Variants in PNN observed in about 807,000 individuals in gnomAD.
PNN encodes the protein pinin, desmosome associated protein.
A neutral mutation model predicts 76.6 loss-of-function variants in PNN; 38 were observed. The observed-to-expected ratio is 0.50, with a 90% CI of 0.38 to 0.65. PNN has a LOEUF of 0.65. PNN is among the 30% of genes least tolerant of loss of function. PNN has a pLI of 0.00. For synonymous variants in PNN, 366 were observed against 283.7 expected (o/e 1.29, Z -2.91); for missense variants, 873 against 874.1 (o/e 1.00, Z 0.02).
At position 39,176,029 on chromosome 14, in the gene PNN, CTGTG is replaced by C. The variant is rs1233934952; in HGVS notation, c.114-43_114-40del. On this transcript the variant is annotated intron_variant, in intron 1 of 8. Transcript: ENST00000216832. ...CATCTCTGAAAGTATTTGGGTGCGACTGTGTGTGTCTACATATGATTTTGCACTG... is the reference window on the plus strand; with the variant it reads ...CATCTCTGAAAGTATTTGGGTGCGACTGTGTCTACATATGATTTTGCACTG... 4 of 958,346 alleles carry C rather than the reference CTGTG, an allele frequency of 4.2e-6. No homozygotes were observed. The Admixed American group carries it at 7.5e-5, about 18-fold the overall frequency. The allele number at this position is 958,346 out of a possible 1,614,324, so 59.4% of individuals were successfully genotyped here. A position where few individuals can be genotyped will look rare whatever the true frequency, so the allele number is the denominator to read the frequency against.
Position 39,176,555 on chromosome 14 carries a change from C to A in PNN, c.214C>A (p.Pro72Thr). 6.2e-7 allele frequency: 1 copy of A among 1,607,656 alleles called. No homozygotes were observed. The highest frequency in any genetic ancestry group is 1.1e-5 in the South Asian group (1 of 89,532). The change falls in exon 3 of 9, where the codon CCC (proline) becomes ACC (threonine). Residue 72 changes from proline to threonine, a missense_variant. This residue lies in a region of PNN where 156 missense variants were observed against 161.7 expected (regional missense o/e 0.96). Coordinates refer to ENST00000216832, the MANE Select transcript of PNN (RefSeq NM_002687.4). ...TGGATTCTCAGATAGTGGAGGAGGA[C>A]CCCCAGCCAAACAGAGAGACCTTGA... ...RRGFSDSGGG[P>T]PAKQRDLEGA...
intron 3 of PNN, among the ~76,000 whole-genome samples, chr14:39,176,891 A>G (rs1272433141): frequency 3.3e-5 from 5 of 152,202 alleles, no homozygotes; most frequent in Non-Finnish European, 7.3e-5. Flanking sequence ...GAAAAACTTA[A>G]CCAGTTTGAA....
intron 6 of PNN, 119 bp from the exon 7 acceptor site, chr14:39,178,972 A>G (rs773786156): frequency 3.4e-6 from 3 of 884,898 alleles, no homozygotes; most frequent in Non-Finnish European, 5.1e-6. Context: ...CCTGCCTCTA[A>G]TGTTTCACGT....
At chr14:39,178,366 T>C (rs2053245038) in intron 6 of PNN, among the ~76,000 whole-genome samples, 2 of 152,042 alleles carry the variant, frequency 1.3e-5, no homozygotes, top group Non-Finnish European at 2.9e-5. Context: ...ACCCTGTCTT[T>C]ACTAAAAATA....
chr14:39,176,409 C>T (rs1215238433), intron 2 of PNN, 118 bp from the exon 3 acceptor site: 8 of 751,880 alleles, frequency 1.1e-5, no homozygotes, highest in Admixed American at 9.0e-5. Flanking sequence ...AATGAATGCC[C>T]GTTTAAGGCT....
Position 39,176,100 on chromosome 14 carries a change from G to A in PNN, c.136G>A (p.Ala46Thr), listed in dbSNP as rs1475027198. 1.2e-6 allele frequency: 2 copies of A among 1,609,148 alleles called. No individual in the cohort carries two copies. The highest frequency in any genetic ancestry group is 8.5e-7 in the Non-Finnish European group (1 of 1,175,474). The change falls in exon 2 of 9, where the codon GCC (alanine) becomes ACC (threonine). Residue 46 changes from alanine (A) to threonine (T), a missense_variant. By Grantham distance (58) the Ala-to-Thr change is moderately conservative. Coordinates refer to ENST00000216832, the MANE Select transcript of PNN (RefSeq NM_002687.4). ...DVRPIQARLL[A>T]LSGPGGGRGR... Reference sequence around the variant, plus strand: ...CAGGCCCATCCAAGCCAGATTGCTGGCCCTTTCTGGTCCTGGTGGAGGTAG... The same window carrying A: ...CAGGCCCATCCAAGCCAGATTGCTGACCCTTTCTGGTCCTGGTGGAGGTAG...
intron 2 of PNN, 110 bp from the exon 3 acceptor site, chr14:39,176,417 G>T: frequency 1.2e-6 from 1 of 814,972 alleles, no homozygotes; most frequent in African/African-American, 1.7e-5. Context: ...CCCGTTTAAG[G>T]CTACTTTAGT....
At chr14:39,175,487 A>G in intron 1 of PNN, 95 bp downstream of exon 1, 1 of 774,512 alleles carries the variant, frequency 1.3e-6, no homozygotes, top group Non-Finnish European at 2.2e-6. Context: ...AGCCTTAAGA[A>G]GACTGGAACC....
chr14:39,176,009 CTGAAAG>C, intron 1 of PNN, 63 bp from the exon 2 acceptor site: 2 of 809,564 alleles, frequency 2.5e-6, no homozygotes, highest in Non-Finnish European at 2.1e-6. Flanking sequence ...ATCCACATCT[CTGAAAG>C]TATTTGGGTG....
chr14:39,175,920 G>A (rs2053219483), intron 1 of PNN, 158 bp from the exon 2 acceptor site: 2 of 595,328 alleles, frequency 3.4e-6, no homozygotes, highest in African/African-American at 3.8e-5. Context: ...AAATGAAATA[G>A]TACTTCCTGT....
In PNN at chr14:39,180,737, C is replaced by T. The variant is rs546480407; in HGVS notation, c.1028C>T (p.Ala343Val). The change falls in exon 9 of 9, where the codon GCG becomes GTG. Residue 343 changes from alanine (A) to valine (V), a missense_variant. Ala to Val is a moderately conservative substitution (Grantham distance 64). This residue lies in a region of PNN where 712 missense variants were observed against 693.1 expected (regional missense o/e 1.03). Coordinates refer to ENST00000216832, the MANE Select transcript of PNN (RefSeq NM_002687.4). ...GGAGAGGAAGAGGAAAAGGAAATAG[C>T]GATTGTTCATAGTGATGCAGAGAAA... ...EAGEEEEKEI[A>V]IVHSDAEKEQ... The T allele has an allele frequency of 2.3e-5, 36 of 1,595,900 alleles. No homozygotes were observed. The South Asian group carries it at 3.1e-4, about 14-fold the overall frequency.
In PNN at chr14:39,179,323, G is replaced by C; in HGVS notation, c.655-1G>C. On this transcript the variant is annotated splice_acceptor_variant, in intron 7 of 8. Coordinates refer to ENST00000216832, the MANE Select transcript of PNN (RefSeq NM_002687.4). LOFTEE classifies it high-confidence loss of function. The stretch of plus-strand genomic sequence containing the variant: ...GCACTGACCCTTTACCTTTTCTTTA[G>C]CAAGAAGAATGGAATGAACATAATG... 1 of 1,608,556 alleles carries C rather than the reference G, an allele frequency of 6.2e-7. No individual in the cohort carries two copies. Among genetic ancestry groups the C allele is most frequent in the Non-Finnish European group, 8.5e-7 (1 of 1,178,606 alleles).
intron 8 of PNN, 138 bp downstream of exon 8, chr14:39,179,600 T>A: frequency 1.3e-6 from 1 of 784,804 alleles, no homozygotes; most frequent in Non-Finnish European, 2.0e-6. Flanking sequence ...AATAAGATAA[T>A]AAGATATTCT....
Position 39,175,786 on chromosome 14 carries a change from T to C in PNN, c.114-292T>C. On this transcript the variant is annotated intron_variant, in intron 1 of 8. Coordinates refer to ENST00000216832, the MANE Select transcript of PNN (RefSeq NM_002687.4). ...CGCAACAAGCCGCCTTACCCCAGCTTCCTGTCCACGTGCAGCCTCCTCGGG... is the reference window on the plus strand; with the variant it reads ...CGCAACAAGCCGCCTTACCCCAGCTCCCTGTCCACGTGCAGCCTCCTCGGG... The C allele has an allele frequency of 6.3e-6, 3 of 479,244 alleles. 1 individual carries two copies. Among genetic ancestry groups the C allele is most frequent in the Non-Finnish European group, 1.1e-5 (3 of 270,702 alleles). The allele number at this position is 479,244 out of a possible 1,614,324, so 29.7% of individuals were successfully genotyped here.
intron 1 of PNN, 138 bp from the exon 2 acceptor site, chr14:39,175,940 G>C: frequency 1.6e-6 from 1 of 618,782 alleles, no homozygotes; most frequent in Non-Finnish European, 2.9e-6. Flanking sequence ...TCCTGTTTCA[G>C]ACATTTAGAT....
At chr14:39,177,817 A>G (rs781286725) in intron 5 of PNN, 24 bp from the exon 6 acceptor site, 2 of 1,575,872 alleles carry the variant, frequency 1.3e-6, no homozygotes, top group South Asian at 2.2e-5. Flanking sequence ...TGTTGACAGT[A>G]AATTTTCTTA....
At position 39,177,633 on chromosome 14, in the gene PNN, G is replaced by A; in HGVS notation, c.368G>A (p.Arg123His). The A allele has an allele frequency of 2.5e-6, 4 of 1,613,824 alleles. No individual in the cohort carries two copies. Among genetic ancestry groups the A allele is most frequent in the African/African-American group, 1.3e-5 (1 of 75,016 alleles). Residue 123 changes from arginine (R) to histidine (H), a missense_variant, in exon 5 of 9, where the codon CGC becomes CAC. Arg to His is a conservative substitution (Grantham distance 29). Coordinates refer to ENST00000216832, the MANE Select transcript of PNN (RefSeq NM_002687.4). ...TCAGTTGTAGCTACCTCCAAAGAGCGCACACGTAGAGACCTTATCCAGGAT... is the reference window on the plus strand; with the variant it reads ...TCAGTTGTAGCTACCTCCAAAGAGCACACACGTAGAGACCTTATCCAGGAT... ...QSSVVATSKERTRRDLIQDQN... is the reference protein window; with the variant it reads ...QSSVVATSKEHTRRDLIQDQN...
chr14:39,180,364 A>G (rs1326658201), intron 8 of PNN, 139 bp from the exon 9 acceptor site: 10 of 820,128 alleles, frequency 1.2e-5, no homozygotes, highest in Non-Finnish European at 1.8e-5. Context: ...GTGGTTACTT[A>G]ATTGCCATAA....
rs1444514620 is a variant in PNN at position 39,176,587 on chromosome 14, A to T, written c.246A>T (p.Ala82=). The T allele has an allele frequency of 2.5e-6, 4 of 1,600,320 alleles. No individual in the cohort carries two copies. Among genetic ancestry groups the T allele is most frequent in the Non-Finnish European group, 3.4e-6 (4 of 1,171,858 alleles). ...PPAKQRDLEG[A]VSRLGGERRT... ...CCAAACAGAGAGACCTTGAAGGGGC[A>T]GTCAGTAGGTAGGTTTAAAAAAAGA... is the stretch of plus-strand genomic sequence containing the variant. Residue 82 remains alanine, a synonymous_variant, in exon 3 of 9, where the codon GCA becomes GCT. Transcript: ENST00000216832.
Sources: allele counts gnomAD v4.1 joint callset (sites outside exome capture counted in the v4.1 genomes callset), GRCh38; gene constraint gnomAD v4.1.1; regional missense constraint gnomAD v4.1.1; transcripts MANE v1.5; gene names NCBI Gene and HGNC (gene_info 2026-07-23, HGNC 2026-07-21).